Variants in PRKCE observed in about 807,000 individuals in gnomAD.
PRKCE encodes the protein protein kinase C epsilon type.
Under a neutral mutation model 85.4 loss-of-function variants are expected in PRKCE, and 16 were observed. The observed-to-expected ratio is 0.19, with a 90% CI of 0.13 to 0.28. The LOEUF is 0.28. Ranked by LOEUF, PRKCE falls within the 10% of genes least tolerant of loss-of-function variation. The pLI is 1.00. For synonymous variants in PRKCE, 388 were observed against 371.5 expected (o/e 1.04, Z -0.51); for missense variants, 573 against 975.2 (o/e 0.59, Z 5.49).
In PRKCE at chr2:46,091,057, A is replaced by C. The variant is rs139489930; in HGVS notation, c.1592+4695A>C. 6.7e-3 allele frequency among the ~76,000 whole-genome samples: 1,023 copies of C among 152,164 alleles called. 13 individuals carry two copies. Among genetic ancestry groups the C allele is most frequent in the African/African-American group, 0.024 (976 of 41,486 alleles). ...TGAAAGAGAGCCCAAACAGATAGAC[A>C]CAATCTCCTTTTCCTCTGGTTTCTT... On this transcript the variant is annotated intron_variant, in intron 11 of 14. Coordinates refer to ENST00000306156, the MANE Select transcript of PRKCE (RefSeq NM_005400.3).
At chr2:46,126,317 C>G (rs933880646) in intron 11 of PRKCE, among the ~76,000 whole-genome samples, 1 of 152,162 alleles carries the variant, frequency 6.6e-6, no homozygotes, top group African/African-American at 2.4e-5. Flanking sequence ...AGACTCAGTT[C>G]CTTTGTCCCC....
intron 2 of PRKCE, among the ~76,000 whole-genome samples, chr2:45,878,158 G>T (rs1694614901): frequency 6.6e-6 from 1 of 152,254 alleles, no homozygotes; most frequent in Admixed American, 6.5e-5. Context: ...GGCTTGCCAT[G>T]TGGCGAGCAG....
intron 10 of PRKCE, among the ~76,000 whole-genome samples, chr2:46,039,016 A>T (rs1055450361): frequency 2.0e-5 from 3 of 152,168 alleles, no homozygotes; most frequent in Non-Finnish European, 4.4e-5. Flanking sequence ...GTTAAAATGC[A>T]ATTTAGCGTG....
chr2:45,987,225 C>G (rs965080545), intron 6 of PRKCE, among the ~76,000 whole-genome samples: 10 of 152,084 alleles, frequency 6.6e-5, no homozygotes, highest in Admixed American at 4.6e-4. Flanking sequence ...GCAGGAAATG[C>G]TCTTGCCCCT....
intron 1 of PRKCE, among the ~76,000 whole-genome samples, chr2:45,842,786 C>A (rs1299735075): frequency 6.6e-6 from 1 of 152,170 alleles, no homozygotes; most frequent in African/African-American, 2.4e-5. Flanking sequence ...AGCAAAATTG[C>A]CCCCAGTTGA....
chr2:45,728,653 G>A (rs1225346373), intron 1 of PRKCE, among the ~76,000 whole-genome samples: 3 of 152,194 alleles, frequency 2.0e-5, no homozygotes, highest in Non-Finnish European at 4.4e-5. Context: ...TACAGATGGG[G>A]AACTGAAAGC....
At position 46,113,146 on chromosome 2, in the gene PRKCE, T is replaced by C. The variant is rs557200369; in HGVS notation, c.1592+26784T>C. Among the ~76,000 whole-genome samples the C allele has an allele frequency of 2.8e-4, 42 of 152,336 alleles. 1 individual carries two copies. In the South Asian group the frequency reaches 8.3e-3, roughly 30 times the overall value. ...TACTTCATGGACCTCACAGCTGATT[T>C]AGACACCCCAATTCTATCACTGCAC... On this transcript the variant is annotated intron_variant, in intron 11 of 14. Coordinates refer to ENST00000306156, the MANE Select transcript of PRKCE (RefSeq NM_005400.3).
At chr2:46,043,376 G>C (rs1708329664) in intron 10 of PRKCE, among the ~76,000 whole-genome samples, 1 of 152,166 alleles carries the variant, frequency 6.6e-6, no homozygotes, top group African/African-American at 2.4e-5. Context: ...CATTCCAGCA[G>C]TGAAGGGGAA....
intron 1 of PRKCE, among the ~76,000 whole-genome samples, chr2:45,705,087 A>G (rs1485093612): frequency 6.6e-6 from 1 of 152,230 alleles, no homozygotes; most frequent in Non-Finnish European, 1.5e-5. Context: ...CCAGAGACTT[A>G]CTATCATCAC....
chr2:45,958,846 T>A (rs1384281797), intron 2 of PRKCE, among the ~76,000 whole-genome samples: 13 of 84,084 alleles, frequency 1.5e-4, no homozygotes, highest in African/African-American at 5.5e-4. Context: ...TTTTTTTTTT[T>A]TTTTTTTTTA....
intron 1 of PRKCE, among the ~76,000 whole-genome samples, chr2:45,800,998 G>C (rs1269715853): frequency 6.6e-6 from 1 of 152,164 alleles, no homozygotes; most frequent in Non-Finnish European, 1.5e-5. Flanking sequence ...TCCTCAACAA[G>C]TCTCAGAAGA....
chr2:45,989,141 C>T (rs1301549183), intron 6 of PRKCE, among the ~76,000 whole-genome samples: 4 of 152,216 alleles, frequency 2.6e-5, no homozygotes, highest in Non-Finnish European at 4.4e-5. Context: ...CCTGTGGAAG[C>T]GGAAGCCCTG....
chr2:46,028,757 C>T (rs1302811282), intron 10 of PRKCE, among the ~76,000 whole-genome samples: 2 of 152,172 alleles, frequency 1.3e-5, no homozygotes, highest in African/African-American at 4.8e-5. Flanking sequence ...CAGATTATTT[C>T]ATCACCCAGG....
At chr2:46,137,757 CAA>C (rs542034194) in intron 11 of PRKCE, among the ~76,000 whole-genome samples, 24 of 118,590 alleles carry the variant, frequency 2.0e-4, no homozygotes, top group Non-Finnish European at 2.8e-4. Context: ...GACCCTGTCT[CAA>C]AAAAAAAAAA....
intron 2 of PRKCE, among the ~76,000 whole-genome samples, chr2:45,853,691 A>T (rs956655432): frequency 2.0e-5 from 3 of 152,302 alleles, no homozygotes; most frequent in African/African-American, 7.2e-5. Flanking sequence ...AACAGGAAAA[A>T]CTGTCACTTC....
chr2:45,751,799 G>C (rs889634975), intron 1 of PRKCE, among the ~76,000 whole-genome samples: 2 of 143,520 alleles, frequency 1.4e-5, no homozygotes, highest in Non-Finnish European at 3.0e-5. Context: ...AGCCTCCAAA[G>C]CTAACCACTA....
chr2:45,969,408 G>A (rs975983221), intron 2 of PRKCE, among the ~76,000 whole-genome samples: 4 of 152,136 alleles, frequency 2.6e-5, no homozygotes, highest in African/African-American at 9.7e-5. Context: ...CAGAGGTCAC[G>A]GCAAATGAAC....
In PRKCE at chr2:45,905,411, A is replaced by G. The variant is rs1412406787; in HGVS notation, c.412+62348A>G. Among the ~76,000 whole-genome samples, 3 of 152,226 alleles carry G rather than the reference A, an allele frequency of 2.0e-5. No homozygotes were observed. Among genetic ancestry groups the G allele is most frequent in the African/African-American group, 7.2e-5 (3 of 41,452 alleles). On this transcript the variant is annotated intron_variant, in intron 2 of 14. Transcript: ENST00000306156. The surrounding 1 kb of genome is among the most constrained non-coding windows in gnomAD (Gnocchi z 4.4). ...ATATTGATGAGCTGATTGCTAGGAG[A>G]CTAGTGCTGAGAGAGCTGAAATCTA...
At chr2:46,032,033 A>G (rs893057640) in intron 10 of PRKCE, among the ~76,000 whole-genome samples, 4 of 152,210 alleles carry the variant, frequency 2.6e-5, no homozygotes, top group Non-Finnish European at 5.9e-5. Flanking sequence ...ATGCCAGTGA[A>G]TCCTGGTGTT....
Sources: gnomAD v4.1 joint callset for allele counts (sites outside exome capture counted in the v4.1 genomes callset) on GRCh38, gnomAD v4.1.1 for gene constraint, Gnocchi (gnomAD v3.1) non-coding constraint, MANE v1.5 for transcripts, NCBI Gene and HGNC (gene_info 2026-07-23, HGNC 2026-07-21) for gene names.